Variants in TMOD3 observed in about 807,000 individuals in gnomAD.
TMOD3 encodes tropomodulin-3.
Under a neutral mutation model 39.2 loss-of-function variants are expected in TMOD3, and 20 were observed. The ratio of observed to expected loss-of-function variants is 0.51; its 90% CI spans 0.36 to 0.74. The LOEUF is 0.74. Among genes scored for constraint, TMOD3 ranks in the 30% least tolerant of loss-of-function variants. TMOD3 has a pLI of 0.00. For synonymous variants in TMOD3, 143 were observed against 145.8 expected (o/e 0.98, Z 0.14); for missense variants, 381 against 412.8 (o/e 0.92, Z 0.67).
chr15:51,893,502 C>T (rs1166761210), intron 5 of TMOD3, among the ~76,000 whole-genome samples: 1 of 152,012 alleles, frequency 6.6e-6, no homozygotes, highest in Non-Finnish European at 1.5e-5. Flanking sequence ...CACAGTGGCT[C>T]CTGCCTGTAA....
At chr15:51,832,203 T>TTATATATATA (rs3985812) in intron 1 of TMOD3, among the ~76,000 whole-genome samples, 896 of 79,266 alleles carry the variant, frequency 0.011, 55 homozygotes, top group East Asian at 0.03. Context: ...AGAAAAAAAA[T>TTATATATATA]TATATATATA....
chr15:51,847,170 T>C (rs2056340173), intron 1 of TMOD3, among the ~76,000 whole-genome samples: 1 of 152,214 alleles, frequency 6.6e-6, no homozygotes, highest in Admixed American at 6.5e-5. Context: ...ATGAATAACC[T>C]GTCAAGTATT....
chr15:51,874,295 G>A (rs2056490567), intron 3 of TMOD3, among the ~76,000 whole-genome samples: 2 of 152,182 alleles, frequency 1.3e-5, no homozygotes, highest in Non-Finnish European at 2.9e-5. Context: ...ATGATTATAT[G>A]TTTTACAGAA....
At position 51,833,940 on chromosome 15, in the gene TMOD3, A is replaced by G. The variant is rs1045416546; in HGVS notation, c.-75+4104A>G. Among the ~76,000 whole-genome samples, 11 of 152,308 alleles carry G rather than the reference A, an allele frequency of 7.2e-5. No homozygotes were observed. In the South Asian group the frequency reaches 1.2e-3, roughly 17 times the overall value. ...TTGCTCCGTATTTTTAGTGTTGCCA[A>G]TGTTTAGTATTGTCAGCCTTTTCAA... is the stretch of plus-strand genomic sequence containing the variant. On this transcript the variant is annotated intron_variant, in intron 1 of 9. Transcript: ENST00000308580.
rs145171773 is a variant in TMOD3, at chr15:51,837,071, G to GATATAT, written c.-75+7245_-75+7250dup. The stretch of plus-strand genomic sequence containing the variant: ...CTAGAAGAAAATGAGGGCTGGGTTT[G>GATATAT]ATATATATATATATAGACTTGTAGG... On this transcript the variant is annotated intron_variant, in intron 1 of 9. Coordinates refer to ENST00000308580, the MANE Select transcript of TMOD3 (RefSeq NM_014547.5). 2.3e-3 allele frequency among the ~76,000 whole-genome samples: 346 copies of GATATAT among 150,580 alleles called. 2 individuals are homozygous for GATATAT. Among genetic ancestry groups the GATATAT allele is most frequent in the Middle Eastern group, 7.0e-3 (2 of 286 alleles).
chr15:51,868,900 A>G (rs2056460824), intron 2 of TMOD3, among the ~76,000 whole-genome samples: 1 of 152,200 alleles, frequency 6.6e-6, no homozygotes, highest in Non-Finnish European at 1.5e-5. Flanking sequence ...TGAACCCAGG[A>G]GGCAGAGGTT....
intron 9 of TMOD3, among the ~76,000 whole-genome samples, chr15:51,906,115 G>A (rs2056679358): frequency 6.6e-6 from 1 of 152,102 alleles, no homozygotes; most frequent in Admixed American, 6.6e-5. Context: ...ATGGCCCGTT[G>A]CCCCATTGTC....
intron 1 of TMOD3, among the ~76,000 whole-genome samples, chr15:51,839,969 A>G (rs541811682): frequency 2.5e-4 from 38 of 152,150 alleles, no homozygotes; most frequent in Non-Finnish European, 4.1e-4. Context: ...ATTGACCTCA[A>G]TGCTTACTGA....
chr15:51,848,079 C>T (rs571753215), intron 1 of TMOD3, among the ~76,000 whole-genome samples: 15 of 152,212 alleles, frequency 9.9e-5, no homozygotes, highest in African/African-American at 3.6e-4. Context: ...AAAGTGGGCT[C>T]GCACCTGACT....
chr15:51,840,772 T>C (rs1487070944), intron 1 of TMOD3, among the ~76,000 whole-genome samples: 1 of 152,244 alleles, frequency 6.6e-6, no homozygotes, highest in Non-Finnish European at 1.5e-5. Context: ...TTGAATTGCC[T>C]TCTGAGATTG....
intron 1 of TMOD3, among the ~76,000 whole-genome samples, chr15:51,840,403 T>C (rs1236056171): frequency 1.3e-5 from 2 of 152,226 alleles, no homozygotes; most frequent in Non-Finnish European, 2.9e-5. Flanking sequence ...GACTATTAGC[T>C]AACATTGATC....
chr15:51,873,399 G>A (rs1450496759), intron 3 of TMOD3, among the ~76,000 whole-genome samples: 2 of 152,216 alleles, frequency 1.3e-5, no homozygotes, highest in Admixed American at 1.3e-4. Flanking sequence ...CCAGGCAATA[G>A]AGGTTTTCCT....
At chr15:51,859,201 G>C in intron 1 of TMOD3, 2 of 735,670 alleles carry the variant, frequency 2.7e-6, no homozygotes, top group South Asian at 2.7e-5. Flanking sequence ...CGGCCAGTCT[G>C]ATACATAGCA....
intron 2 of TMOD3, among the ~76,000 whole-genome samples, chr15:51,868,797 C>A (rs893269181): frequency 2.6e-5 from 4 of 152,090 alleles, no homozygotes; most frequent in African/African-American, 9.7e-5. Flanking sequence ...CATGGCAAAA[C>A]CCCATCTCTA....
At chr15:51,890,271 C>T (rs909456580) in intron 5 of TMOD3, among the ~76,000 whole-genome samples, 4 of 150,746 alleles carry the variant, frequency 2.7e-5, no homozygotes, top group Admixed American at 6.6e-5. Flanking sequence ...CAGGTTCAAG[C>T]GCTTCTCTTG....
intron 9 of TMOD3, 142 bp from the exon 10 acceptor site, chr15:51,908,634 G>A (rs896804352): frequency 7.3e-5 from 26 of 354,250 alleles, no homozygotes; most frequent in Middle Eastern, 1.6e-3. Flanking sequence ...TTTTTAATTA[G>A]TGGTCATGTG....
rs796751106 is a variant in TMOD3 at position 51,915,055 on chromosome 15, C to T, written c.*6245C>T. On this transcript the variant is annotated 3_prime_UTR_variant, in exon 10 of 10. Transcript: ENST00000308580. Reference sequence around the variant, plus strand: ...CAAATTATTACATTCGTAAGACAGACACCTCTTAGAATCTATATATATGAG... The same window carrying T: ...CAAATTATTACATTCGTAAGACAGATACCTCTTAGAATCTATATATATGAG... 17 of 152,270 alleles carry T rather than the reference C, an allele frequency of 1.1e-4. No individual in the cohort carries two copies. Among genetic ancestry groups the T allele is most frequent in the African/African-American group, 4.1e-4 (17 of 41,556 alleles). The allele number at this position is 152,270 out of a possible 1,614,324, so 9.4% of individuals were successfully genotyped here.
At chr15:51,885,307 T>C (rs1030196790) in intron 3 of TMOD3, among the ~76,000 whole-genome samples, 6 of 151,028 alleles carry the variant, frequency 4.0e-5, no homozygotes, top group African/African-American at 1.5e-4. Context: ...TTTTTTAGTA[T>C]TTATTGATCA....
intron 1 of TMOD3, among the ~76,000 whole-genome samples, chr15:51,837,010 A>C (rs2056288130): frequency 6.6e-6 from 1 of 152,150 alleles, no homozygotes; most frequent in Non-Finnish European, 1.5e-5. Context: ...ACAGTTCCTG[A>C]AGTGTCTGTG....
Sources: gnomAD v4.1 joint callset for allele counts (sites outside exome capture counted in the v4.1 genomes callset) on GRCh38, gnomAD v4.1.1 for gene constraint, MANE v1.5 for transcripts, NCBI Gene and HGNC (gene_info 2026-07-23, HGNC 2026-07-21) for gene names.